ADAMTSL1: variants seen among roughly 807,000 people sequenced by gnomAD.
ADAMTSL1 encodes the protein ADAMTS-like protein 1.
In ADAMTSL1, 126 loss-of-function variants were observed where a neutral mutation model predicts 201.8. The observed-to-expected ratio is 0.62, with a 90% confidence interval of 0.54 to 0.72. ADAMTSL1 has a LOEUF of 0.72. Among genes scored for constraint, ADAMTSL1 ranks in the 30% least tolerant of loss-of-function variants. ADAMTSL1 has a pLI of 0.00. For missense variants in ADAMTSL1, 2,679 were observed against 2,277.8 expected (o/e 1.18, Z -3.59); for synonymous variants, 1,121 against 903.4 (o/e 1.24, Z -4.32).
chr9:18,694,698 AG>A (rs1831444043), intron 13 of ADAMTSL1, among the ~76,000 whole-genome samples: 1 of 152,096 alleles, frequency 6.6e-6, no homozygotes, highest in Non-Finnish European at 1.5e-5. Flanking sequence ...CAGCTTTTCT[AG>A]GTTCATGGTG....
At chr9:18,196,595 G>A (rs1344375073) in intron 2 of ADAMTSL1, among the ~76,000 whole-genome samples, 2 of 151,952 alleles carry the variant, frequency 1.3e-5, no homozygotes, top group African/African-American at 2.4e-5. Flanking sequence ...AGTAGATGAG[G>A]ATGGCTTTAT....
At chr9:18,842,842 A>G (rs1158662314) in intron 23 of ADAMTSL1, among the ~76,000 whole-genome samples, 2 of 151,810 alleles carry the variant, frequency 1.3e-5, no homozygotes, top group African/African-American at 4.9e-5. Flanking sequence ...GTTTTATCAG[A>G]GACTAGGATT....
In ADAMTSL1 at chr9:18,818,967, T is replaced by G. The variant is rs1014992790; in HGVS notation, c.3934+1730T>G. On this transcript the variant is annotated intron_variant, in intron 21 of 28. Transcript: ENST00000380548. Reference sequence around the variant, plus strand: ...TAGATAGGGAGTAAGACAAAACCCCTGACAGGGGTTGGCATGAATGAGCTA... The same window carrying G: ...TAGATAGGGAGTAAGACAAAACCCCGGACAGGGGTTGGCATGAATGAGCTA... Among the ~76,000 whole-genome samples, 3 of 152,086 alleles carry G rather than the reference T, an allele frequency of 2.0e-5. No homozygotes were observed. In the South Asian group the frequency reaches 6.2e-4, roughly 32 times the overall value.
intron 1 of ADAMTSL1, among the ~76,000 whole-genome samples, chr9:17,999,888 A>C (rs1452717304): frequency 6.7e-6 from 1 of 149,808 alleles, no homozygotes; most frequent in African/African-American, 2.5e-5. Flanking sequence ...GTTTACTGAG[A>C]ATGATGATTT....
intron 1 of ADAMTSL1, among the ~76,000 whole-genome samples, chr9:18,029,954 G>A (rs1035499641): frequency 4.6e-5 from 7 of 151,186 alleles, no homozygotes; most frequent in Non-Finnish European, 7.4e-5. Flanking sequence ...TGGTGGGACT[G>A]TAAACTAGTT....
chr9:18,585,216 T>C (rs1429297988), intron 4 of ADAMTSL1, among the ~76,000 whole-genome samples: 1 of 152,206 alleles, frequency 6.6e-6, no homozygotes, highest in Admixed American at 6.5e-5. Context: ...TCCATCTTGC[T>C]ATTCCATTTA....
At chr9:18,844,170 C>G (rs939927528) in intron 23 of ADAMTSL1, among the ~76,000 whole-genome samples, 7 of 152,052 alleles carry the variant, frequency 4.6e-5, no homozygotes, top group African/African-American at 1.5e-4. Flanking sequence ...GTGGTTTTAT[C>G]TACTTTTGGT....
At chr9:18,214,001 T>C (rs1171307155) in intron 2 of ADAMTSL1, among the ~76,000 whole-genome samples, 1 of 152,116 alleles carries the variant, frequency 6.6e-6, no homozygotes, top group African/African-American at 2.4e-5. Flanking sequence ...CCTCCCAAAG[T>C]GCTGGGATTA....
At chr9:18,849,604 C>G (rs553171802) in intron 23 of ADAMTSL1, among the ~76,000 whole-genome samples, 1 of 152,064 alleles carries the variant, frequency 6.6e-6, no homozygotes. Flanking sequence ...ACAGGGATGC[C>G]GGGAAGGGGA....
chr9:18,345,386 G>A (rs774327102), intron 2 of ADAMTSL1, among the ~76,000 whole-genome samples: 4 of 148,610 alleles, frequency 2.7e-5, no homozygotes, highest in Non-Finnish European at 6.0e-5. Flanking sequence ...AGAAACATCC[G>A]AATCATCAGA....
chr9:18,817,321 C>T, intron 21 of ADAMTSL1, 84 bp downstream of exon 21: 1 of 1,394,710 alleles, frequency 7.2e-7, no homozygotes, highest in Non-Finnish European at 9.7e-7. Flanking sequence ...GACACAAATT[C>T]TACTCTCAGG....
intron 4 of ADAMTSL1, among the ~76,000 whole-genome samples, chr9:18,609,453 A>G (rs903192941): frequency 7.9e-5 from 12 of 151,676 alleles, no homozygotes; most frequent in East Asian, 3.9e-4. Context: ...AAATTATCCA[A>G]TGGAACTCCA....
chr9:18,290,782 T>TG (rs1180921335), intron 2 of ADAMTSL1, among the ~76,000 whole-genome samples: 8 of 53,260 alleles, frequency 1.5e-4, no homozygotes, highest in African/African-American at 4.5e-4. Context: ...TTTTTGTGTG[T>TG]TTTTTTTTTT....
At chr9:18,313,475 T>C (rs1587532500) in intron 2 of ADAMTSL1, among the ~76,000 whole-genome samples, 2 of 152,150 alleles carry the variant, frequency 1.3e-5, no homozygotes, top group African/African-American at 4.8e-5. Flanking sequence ...TTTTAAAAAA[T>C]ACCAATCACT....
intron 2 of ADAMTSL1, among the ~76,000 whole-genome samples, chr9:18,425,859 GAAAAAAAA>G (rs71304881): frequency 9.5e-5 from 9 of 94,608 alleles, no homozygotes; most frequent in Non-Finnish European, 1.7e-4. Flanking sequence ...CCTGTCTCAA[GAAAAAAAA>G]AAAAAAAAAA....
rs112638357 is a variant in ADAMTSL1, at chr9:18,683,400, A to ATT, written c.1490-1305_1490-1304dup. 3.4e-3 allele frequency among the ~76,000 whole-genome samples: 477 copies of ATT among 140,390 alleles called. 2 individuals are homozygous for ATT. The highest frequency in any genetic ancestry group is 6.7e-3 in the African/African-American group (255 of 38,092). The allele number at this position is 140,390 out of a possible 152,430, so 92.1% of individuals were successfully genotyped here. A position where few individuals can be genotyped will look rare whatever the true frequency, so the allele number is the denominator to read the frequency against. ...CTGCCGTGCCCAGCTAATTTTTTGT[A>ATT]TTTTTTTTTTTTGGTAGAGACGGGG... On this transcript the variant is annotated intron_variant, in intron 12 of 28. Transcript: ENST00000380548.
intron 1 of ADAMTSL1, among the ~76,000 whole-genome samples, chr9:18,124,106 G>A (rs1223823008): frequency 1.3e-5 from 1 of 78,968 alleles, no homozygotes; most frequent in East Asian, 5.0e-4. Context: ...TTTTTGAGAT[G>A]GAGTTTTTGC....
chr9:18,653,699 A>G (rs1037388648), intron 7 of ADAMTSL1, among the ~76,000 whole-genome samples: 4 of 152,124 alleles, frequency 2.6e-5, no homozygotes, highest in Non-Finnish European at 5.9e-5. Flanking sequence ...CTGGAGTTCT[A>G]GAAAAACTAG....
intron 15 of ADAMTSL1, among the ~76,000 whole-genome samples, chr9:18,734,998 A>G (rs1818423297): frequency 6.6e-6 from 1 of 152,188 alleles, no homozygotes; most frequent in Non-Finnish European, 1.5e-5. Flanking sequence ...TCATTATGCC[A>G]ACTGTTAAAA....
Sources: gnomAD v4.1 joint callset for allele counts (sites outside exome capture counted in the v4.1 genomes callset) on GRCh38, gnomAD v4.1.1 for gene constraint, MANE v1.5 for transcripts, NCBI Gene and HGNC (gene_info 2026-07-23, HGNC 2026-07-21) for gene names.